Variants in CTNNA3 observed in about 807,000 individuals in gnomAD.
CTNNA3 encodes catenin alpha-3.
A neutral mutation model predicts 95.7 loss-of-function variants in CTNNA3; 76 were observed. That is an observed-to-expected ratio of 0.79 (90% CI 0.66 to 0.96). The LOEUF (loss-of-function observed/expected upper bound fraction) is 0.96, where lower values mean the gene tolerates loss of function less well. Among genes scored for constraint, CTNNA3 ranks in the 40% least tolerant of loss-of-function variants. The pLI, the probability that CTNNA3 is intolerant of heterozygous loss-of-function variation, is 0.00. For missense variants in CTNNA3, 1,191 were observed against 1,089.8 expected, an observed-to-expected ratio of 1.09 and a Z score of -1.31; for synonymous variants, 431 against 374.4, an observed-to-expected ratio of 1.15 and a Z score of -1.74.
rs77988679 is a variant in CTNNA3, at chr10:67,209,410, T to C, written c.843+10197A>G. Among the ~76,000 whole-genome samples, 735 of 152,214 alleles carry C rather than the reference T, an allele frequency of 4.8e-3. 8 individuals are homozygous for C. The highest frequency in any genetic ancestry group is 0.016 in the African/African-American group (655 of 41,532). ...TAGAAATACAAGGAGAAAATGGTAT[T>C]TTGCTGTAATGTGAAAGACTTCAAC... On this transcript the variant is annotated intron_variant, in intron 6 of 17. Coordinates refer to ENST00000433211, the MANE Select transcript of CTNNA3 (RefSeq NM_013266.4).
intron 9 of CTNNA3, among the ~76,000 whole-genome samples, chr10:66,702,343 G>A (rs985565714): frequency 2.0e-5 from 3 of 152,010 alleles, no homozygotes; most frequent in Non-Finnish European, 1.5e-5. Context: ...TGAAGGACCA[G>A]GAAGTGAGTC....
At chr10:66,309,539 T>C (rs2091978827) in intron 12 of CTNNA3, among the ~76,000 whole-genome samples, 1 of 148,528 alleles carries the variant, frequency 6.7e-6, no homozygotes, top group Non-Finnish European at 1.5e-5. Context: ...AAATACAAAA[T>C]AATAGCCGGG....
intron 11 of CTNNA3, among the ~76,000 whole-genome samples, chr10:66,385,984 T>C (rs946878600): frequency 1.3e-5 from 2 of 152,056 alleles, no homozygotes; most frequent in Non-Finnish European, 2.9e-5. Flanking sequence ...CAGCCCCCAA[T>C]ATCATACTGA....
chr10:67,432,348 G>T (rs1267840791), intron 5 of CTNNA3, among the ~76,000 whole-genome samples: 2 of 151,928 alleles, frequency 1.3e-5, no homozygotes, highest in Non-Finnish European at 2.9e-5. Flanking sequence ...GTTTCCTGAG[G>T]CTGCTTAAAC....
At chr10:66,637,761 G>C (rs971474629) in intron 9 of CTNNA3, among the ~76,000 whole-genome samples, 20 of 152,192 alleles carry the variant, frequency 1.3e-4, no homozygotes, top group African/African-American at 4.1e-4. Flanking sequence ...TCAGTAGCCA[G>C]AAACAGAGAA....
At chr10:67,054,642 G>A (rs1855314213) in intron 7 of CTNNA3, 1 of 152,134 alleles carries the variant, frequency 6.6e-6, no homozygotes, top group Admixed American at 6.5e-5. Flanking sequence ...TATTTCCAAT[G>A]GCGGGAGACA....
At chr10:66,050,034 T>C (rs1390742416) in intron 15 of CTNNA3, among the ~76,000 whole-genome samples, 1 of 152,168 alleles carries the variant, frequency 6.6e-6, no homozygotes, top group Non-Finnish European at 1.5e-5. Flanking sequence ...CAAATTAGTA[T>C]TTGGTATTAC....
intron 12 of CTNNA3, among the ~76,000 whole-genome samples, chr10:66,342,385 CTG>C (rs1489751783): frequency 1.3e-5 from 2 of 151,962 alleles, no homozygotes; most frequent in Non-Finnish European, 2.9e-5. Context: ...ATTTAGAAAA[CTG>C]TGTGTATTTA....
Position 66,520,638 on chromosome 10 carries a change from C to A in CTNNA3, c.1510G>T (p.Asp504Tyr). 1 of 1,607,106 alleles carries A rather than the reference C, an allele frequency of 6.2e-7. No individual in the cohort carries two copies. The change falls in exon 11 of 18, where the codon GAT becomes TAT. Residue 504 changes from aspartate (D) to tyrosine (Y), a missense_variant. Asp to Tyr is a radical substitution (Grantham distance 160). Transcript: ENST00000433211. The part of the protein sequence containing the change: ...TEAVDDITSI[D>Y]DFLAVSESHI... ...ATACCAGATACAGCAAGGAAGTCAT[C>A]AATGCTTGTAATGTCATCTACGGCT...
chr10:67,365,278 G>T (rs1843164175), intron 5 of CTNNA3, among the ~76,000 whole-genome samples: 1 of 152,106 alleles, frequency 6.6e-6, no homozygotes, highest in African/African-American at 2.4e-5. Context: ...AACCCTAGAA[G>T]AAAACCTAGG....
At chr10:67,124,375 G>GTGTGA (rs1564907325) in intron 7 of CTNNA3, among the ~76,000 whole-genome samples, 1 of 122,774 alleles carries the variant, frequency 8.1e-6, no homozygotes, top group African/African-American at 3.1e-5. Context: ...TGTGTGTGTG[G>GTGTGA]TCTATAAATG....
intron 7 of CTNNA3, among the ~76,000 whole-genome samples, chr10:66,810,422 T>C (rs958059225): frequency 6.6e-6 from 1 of 152,154 alleles, no homozygotes; most frequent in Non-Finnish European, 1.5e-5. Context: ...GATCACTCTT[T>C]TTCTGTGAAC....
At chr10:66,408,427 A>G (rs1390821353) in intron 11 of CTNNA3, among the ~76,000 whole-genome samples, 2 of 152,262 alleles carry the variant, frequency 1.3e-5, no homozygotes, top group East Asian at 3.9e-4. Flanking sequence ...CCTCGACCAC[A>G]TGACAGAAGG....
chr10:67,666,408 A>C (rs1299285862), intron 1 of CTNNA3, among the ~76,000 whole-genome samples: 1 of 152,202 alleles, frequency 6.6e-6, no homozygotes, highest in African/African-American at 2.4e-5. Context: ...CAAAAGATTC[A>C]GAAATTCTAC....
chr10:66,351,315 T>C (rs992833941), intron 12 of CTNNA3, among the ~76,000 whole-genome samples: 26 of 152,052 alleles, frequency 1.7e-4, no homozygotes, highest in African/African-American at 6.3e-4. Flanking sequence ...GAGGTTGCTG[T>C]AAGTATTTCC....
intron 5 of CTNNA3, among the ~76,000 whole-genome samples, chr10:67,260,683 GTT>G (rs11363504): frequency 6.8e-6 from 1 of 147,960 alleles, no homozygotes; most frequent in African/African-American, 2.5e-5. Context: ...TTGTTTTTTT[GTT>G]TTTTTTTTGT....
chr10:66,966,101 T>A (rs909856198), intron 7 of CTNNA3, among the ~76,000 whole-genome samples: 7 of 152,184 alleles, frequency 4.6e-5, no homozygotes, highest in African/African-American at 1.7e-4. Flanking sequence ...TTTGTAAAAT[T>A]GGGATAACAA....
intron 9 of CTNNA3, among the ~76,000 whole-genome samples, chr10:66,627,748 A>G (rs768660231): frequency 3.3e-5 from 5 of 152,184 alleles, no homozygotes; most frequent in Non-Finnish European, 5.9e-5. Flanking sequence ...CAGTTCCTGC[A>G]CATACAGATA....
At chr10:67,083,895 T>A (rs1041846688) in intron 7 of CTNNA3, among the ~76,000 whole-genome samples, 1 of 152,010 alleles carries the variant, frequency 6.6e-6, no homozygotes, top group African/African-American at 2.4e-5. Flanking sequence ...TAAAAGCACA[T>A]GAAAAGAATA....
Sources: gnomAD v4.1 joint callset for allele counts (sites outside exome capture counted in the v4.1 genomes callset) on GRCh38, gnomAD v4.1.1 for gene constraint, MANE v1.5 for transcripts, NCBI Gene and HGNC (gene_info 2026-07-23, HGNC 2026-07-21) for gene names.